Variants in SNTB1 observed in about 807,000 individuals in gnomAD.
SNTB1 encodes beta-1-syntrophin.
A neutral mutation model predicts 48.9 loss-of-function variants in SNTB1; 36 were observed. The observed-to-expected ratio is 0.74, with a 90% CI of 0.56 to 0.97. SNTB1 has a LOEUF of 0.97. Ranked by LOEUF, SNTB1 falls within the 50% of genes least tolerant of loss-of-function variation. The probability of loss-of-function intolerance (pLI) is 0.00; values close to 1 mark genes in which losing one functional copy is unlikely to be tolerated. For synonymous variants in SNTB1, 299 were observed against 294.6 expected, an observed-to-expected ratio of 1.01 and a Z score of -0.15; for missense variants, 786 against 703.4, an observed-to-expected ratio of 1.12 and a Z score of -1.33.
intron 2 of SNTB1, among the ~76,000 whole-genome samples, chr8:120,659,621 T>A (rs1269043921): frequency 6.6e-6 from 1 of 152,228 alleles, no homozygotes; most frequent in Admixed American, 6.5e-5. Flanking sequence ...GTATATCCTT[T>A]CCAGAAGGTT....
intron 3 of SNTB1, among the ~76,000 whole-genome samples, chr8:120,616,324 G>C (rs1816713714): frequency 7.0e-6 from 1 of 142,644 alleles, no homozygotes; most frequent in South Asian, 2.2e-4. Flanking sequence ...TTTTGAGACA[G>C]TGTCTCACTC....
intron 3 of SNTB1, among the ~76,000 whole-genome samples, chr8:120,606,371 G>A (rs1816518910): frequency 7.2e-6 from 1 of 138,614 alleles, no homozygotes; most frequent in Non-Finnish European, 1.6e-5. Context: ...GTATATTTAT[G>A]TCAGTATAAA....
chr8:120,559,188 T>C (rs573467255), intron 4 of SNTB1, among the ~76,000 whole-genome samples: 10 of 152,362 alleles, frequency 6.6e-5, no homozygotes, highest in African/African-American at 2.4e-4. Flanking sequence ...TGAGATTAGA[T>C]GTTTTATGAG....
intron 1 of SNTB1, among the ~76,000 whole-genome samples, chr8:120,722,556 GTCTGTTCATATCCGTTGC>G (rs1159264994): frequency 6.4e-4 from 98 of 152,304 alleles, no homozygotes; most frequent in Middle Eastern, 3.4e-3. Context: ...TTTGAGAAGT[GTCTGTTCATATCCGTTGC>G]TCACTTTTTG....
At chr8:120,652,313 C>A (rs947672816) in intron 2 of SNTB1, among the ~76,000 whole-genome samples, 6 of 152,066 alleles carry the variant, frequency 3.9e-5, no homozygotes, top group African/African-American at 1.4e-4. Context: ...ACAATTTGGA[C>A]CAAAGAGATC....
chr8:120,683,564 G>A lies in SNTB1; in HGVS notation c.788+10128C>T, dbSNP rs370830218. Among the ~76,000 whole-genome samples, 25 of 152,254 alleles carry A rather than the reference G, an allele frequency of 1.6e-4. No individual in the cohort carries two copies. In the South Asian group the frequency reaches 2.7e-3, roughly 16 times the overall value. ...AAGTGGGTAGGGTGGTGTGGTGACTGCAGTGGGTCAGGTAGTGGTGGGTGA... is the reference window on the plus strand; with the variant it reads ...AAGTGGGTAGGGTGGTGTGGTGACTACAGTGGGTCAGGTAGTGGTGGGTGA... On this transcript the variant is annotated intron_variant, in intron 2 of 6. Coordinates refer to ENST00000517992, the MANE Select transcript of SNTB1 (RefSeq NM_021021.4).
At chr8:120,630,783 C>T (rs1260013427) in intron 3 of SNTB1, among the ~76,000 whole-genome samples, 1 of 152,288 alleles carries the variant, frequency 6.6e-6, no homozygotes. Context: ...TAAGACTGAA[C>T]GGATTATCCA....
At chr8:120,583,034 T>C (rs1816074964) in intron 3 of SNTB1, among the ~76,000 whole-genome samples, 1 of 152,090 alleles carries the variant, frequency 6.6e-6, no homozygotes, top group African/African-American at 2.4e-5. Context: ...TTTCGTAGGC[T>C]GAAGTGGGAG....
chr8:120,611,638 C>T (rs966279872), intron 3 of SNTB1, among the ~76,000 whole-genome samples: 12 of 151,720 alleles, frequency 7.9e-5, no homozygotes, highest in African/African-American at 1.5e-4. Context: ...CTGGCTAACA[C>T]GGTGAAACCC....
At chr8:120,762,015 T>TAC (rs147515369) in intron 1 of SNTB1, among the ~76,000 whole-genome samples, 3,504 of 152,294 alleles carry the variant, frequency 0.023, 136 homozygotes, top group African/African-American at 0.08. Flanking sequence ...ATGTCTCTGA[T>TAC]ACATTTTCAA....
chr8:120,772,600 A>T (rs1446600863), intron 1 of SNTB1, among the ~76,000 whole-genome samples: 2 of 152,294 alleles, frequency 1.3e-5, no homozygotes, highest in African/African-American at 4.8e-5. Context: ...AAAATAAACA[A>T]GCAAAGGAGG....
chr8:120,693,577 TC>T (rs1818162265), intron 2 of SNTB1, 114 bp downstream of exon 2: 1 of 842,234 alleles, frequency 1.2e-6, no homozygotes, highest in Non-Finnish European at 1.9e-6. Context: ...TTCATGCTTT[TC>T]TTTGGAAGCC....
chr8:120,602,016 AAAC>A (rs566275991), intron 3 of SNTB1, among the ~76,000 whole-genome samples: 2 of 152,380 alleles, frequency 1.3e-5, no homozygotes, highest in Admixed American at 6.5e-5. Flanking sequence ...AAACAAAAAC[AAAC>A]AACAACAAAA....
At chr8:120,600,763 G>A (rs1219360450) in intron 3 of SNTB1, among the ~76,000 whole-genome samples, 1 of 151,932 alleles carries the variant, frequency 6.6e-6, no homozygotes, top group Non-Finnish European at 1.5e-5. Context: ...AGAGAAAGAG[G>A]GGAAACTGGG....
intron 1 of SNTB1, among the ~76,000 whole-genome samples, chr8:120,703,224 A>G (rs768745425): frequency 1.3e-5 from 2 of 152,200 alleles, no homozygotes; most frequent in Non-Finnish European, 2.9e-5. Context: ...TCCTGGGTTC[A>G]AGCGATTCTC....
chr8:120,688,611 A>G (rs866291773), intron 2 of SNTB1, among the ~76,000 whole-genome samples: 3 of 152,212 alleles, frequency 2.0e-5, no homozygotes, highest in Admixed American at 6.5e-5. Context: ...CACAGAAGGT[A>G]TAACAAGACA....
At chr8:120,744,873 G>C (rs1819100142) in intron 1 of SNTB1, among the ~76,000 whole-genome samples, 2 of 152,116 alleles carry the variant, frequency 1.3e-5, no homozygotes, top group South Asian at 2.1e-4. Flanking sequence ...CCATAATTTG[G>C]TAGATTTTAA....
chr8:120,617,618 C>T (rs112478902), intron 3 of SNTB1, among the ~76,000 whole-genome samples: 16 of 152,262 alleles, frequency 1.1e-4, no homozygotes, highest in African/African-American at 2.2e-4. Flanking sequence ...AAGGAACTTA[C>T]GGTATTGGGC....
At chr8:120,555,631 A>G (rs1306367484) in intron 4 of SNTB1, among the ~76,000 whole-genome samples, 1 of 152,178 alleles carries the variant, frequency 6.6e-6, no homozygotes, top group Admixed American at 6.5e-5. Flanking sequence ...TCTTTGTTAG[A>G]AAATGATTTG....
Sources: allele counts gnomAD v4.1 joint callset (sites outside exome capture counted in the v4.1 genomes callset), GRCh38; gene constraint gnomAD v4.1.1; transcripts MANE v1.5; gene names NCBI Gene and HGNC (gene_info 2026-07-23, HGNC 2026-07-21).